The following NFKBIA variants were observed in gnomAD, a reference collection of about 807,000 sequenced individuals.
NFKBIA encodes NF-kappa-B inhibitor alpha.
Under a neutral mutation model 36.3 loss-of-function variants are expected in NFKBIA, and 10 were observed. The ratio of observed to expected loss-of-function variants is 0.28; its 90% CI spans 0.17 to 0.47. NFKBIA has a LOEUF of 0.47. Among genes scored for constraint, NFKBIA ranks in the 20% least tolerant of loss-of-function variants. The probability of loss-of-function intolerance (pLI) is 0.99; values close to 1 mark genes in which losing one functional copy is unlikely to be tolerated. For synonymous variants in NFKBIA, 205 were observed against 164.4 expected (o/e 1.25, Z -1.89); for missense variants, 355 against 399.3 (o/e 0.89, Z 0.94).
At chr14:35,404,369 CGCGT>C in intron 1 of NFKBIA, 45 bp downstream of exon 1, 6 of 1,218,370 alleles carry the variant, frequency 4.9e-6, no homozygotes, top group South Asian at 1.4e-5. Context: ...CCAGGCCGCG[CGCGT>C]CCCGCCCTCC....
intron 2 of NFKBIA, 160 bp downstream of exon 2, chr14:35,403,530 G>A (rs1183692122): frequency 2.3e-6 from 2 of 887,464 alleles, no homozygotes; most frequent in African/African-American, 1.7e-5. Flanking sequence ...CACCAAATCA[G>A]TGGAATTTCC....
At chr14:35,404,249 TGCAGCCCTGCA>T in intron 1 of NFKBIA, 158 bp downstream of exon 1, 1 of 373,774 alleles carries the variant, frequency 2.7e-6, no homozygotes, top group Middle Eastern at 7.5e-4. Context: ...CGCGCGGCCC[TGCAGCCCTGCA>T]GCGTTCGGGG....
chr14:35,403,365 GA>G lies in NFKBIA; in HGVS notation c.337-6del. On this transcript the variant is annotated splice_polypyrimidine_tract_variant and splice_region_variant and intron_variant, in intron 2 of 5. Coordinates refer to ENST00000216797, the MANE Select transcript of NFKBIA (RefSeq NM_020529.3). ...CACAGCCAAGTGGAGTGGAGTCTACGAATGCAAGAGAGACCAGAGAAAGTAA... is the reference window on the plus strand; with the variant it reads ...CACAGCCAAGTGGAGTGGAGTCTACGATGCAAGAGAGACCAGAGAAAGTAA... 1 of 1,613,762 alleles carries G rather than the reference GA, an allele frequency of 6.2e-7. No homozygotes were observed. Among genetic ancestry groups the G allele is most frequent in the South Asian group, 1.1e-5 (1 of 91,052 alleles).
chr14:35,402,123 G>GA (rs2052733746), intron 5 of NFKBIA, 63 bp from the exon 6 acceptor site: 8 of 1,587,446 alleles, frequency 5.0e-6, no homozygotes, highest in Non-Finnish European at 8.7e-7. Flanking sequence ...AAGCTACCGG[G>GA]ATGGGGAGGC....
intron 3 of NFKBIA, 133 bp downstream of exon 3, chr14:35,403,017 A>G (rs2052745027): frequency 3.9e-6 from 5 of 1,268,834 alleles, no homozygotes; most frequent in East Asian, 2.4e-5. Flanking sequence ...GGCACTTTGC[A>G]CACATATTTT....
rs752288851 is a variant in NFKBIA at position 35,403,353 on chromosome 14, A to T, written c.344T>A (p.Leu115His). 6.2e-7 allele frequency: 1 copy of T among 1,613,978 alleles called. No individual in the cohort carries two copies. ...CTGGTTGGTGATCACAGCCAAGTGG[A>T]GTGGAGTCTACGAATGCAAGAGAGA... ...NFQNNLQQTP[L>H]HLAVITNQPE... The change falls in exon 3 of 6, where the codon CTC becomes CAC. Residue 115 changes from leucine to histidine, a missense_variant. By Grantham distance (99) the Leu-to-His change is moderately conservative (BLOSUM62 -3). Coordinates refer to ENST00000216797, the MANE Select transcript of NFKBIA (RefSeq NM_020529.3).
In NFKBIA at chr14:35,401,609, C is replaced by A. The variant is rs1230470141; in HGVS notation, c.*404G>T. ...ACCATTTACAGGAGGGTAACACAAA[C>A]CTTGACAGGTAGTAACTTTTCACCC... On this transcript the variant is annotated 3_prime_UTR_variant, in exon 6 of 6. Transcript: ENST00000216797. 10 of 314,182 alleles carry A rather than the reference C, an allele frequency of 3.2e-5. No homozygotes were observed. Among genetic ancestry groups the A allele is most frequent in the Admixed American group, 1.4e-4 (3 of 21,838 alleles). The allele number at this position is 314,182 out of a possible 1,614,324, so 19.5% of individuals were successfully genotyped here.
rs778206898 is a variant in NFKBIA, at chr14:35,404,452, G to C, written c.193C>G (p.Pro65Ala). The change falls in exon 1 of 6, where the codon CCC (proline) becomes GCC (alanine). Residue 65 changes from proline to alanine, a missense_variant. Physicochemically the swap from Pro to Ala is conservative, Grantham distance 27. Transcript: ENST00000216797. ...EPQEVPRGSE[P>A]WKQQLTEDGD... ...TCCTCGGTGAGCTGCTGCTTCCAGG[G>C]CTCCGAGCCGCGCGGCACCTCCTGC... 3 of 1,596,674 alleles carry C rather than the reference G, an allele frequency of 1.9e-6. No homozygotes were observed. The highest frequency in any genetic ancestry group is 1.7e-5 in the Admixed American group (1 of 58,038).
rs2138832047 is a variant in NFKBIA at position 35,403,282 on chromosome 14, G to A, written c.415C>T (p.Leu139Phe). 1 of 1,613,978 alleles carries A rather than the reference G, an allele frequency of 6.2e-7. No homozygotes were observed. Among genetic ancestry groups the A allele is most frequent in the Admixed American group, 1.7e-5 (1 of 60,016 alleles). The change falls in exon 3 of 6, where the codon CTC becomes TTC. Residue 139 changes from leucine (L) to phenylalanine (F), a missense_variant. Coordinates refer to ENST00000216797, the MANE Select transcript of NFKBIA (RefSeq NM_020529.3). ...ALLGAGCDPE[L>F]RDFRGNTPLH... is the part of the protein sequence containing the mutation. ...GGGGTATTTCCTCGAAAGTCTCGGA[G>A]CTCAGGATCACAGCCAGCTCCCAGA...
chr14:35,404,238 C>T, intron 1 of NFKBIA, 180 bp downstream of exon 1: 2 of 357,682 alleles, frequency 5.6e-6, no homozygotes, highest in South Asian at 1.1e-4. Context: ...GGCCGGTGCC[C>T]CGCGCGGCCC....
In NFKBIA at chr14:35,401,621, G is replaced by A. The variant is rs913256495; in HGVS notation, c.*392C>T. The A allele has an allele frequency of 2.1e-5, 7 of 328,630 alleles. No individual in the cohort carries two copies. The highest frequency in any genetic ancestry group is 4.0e-5 in the Non-Finnish European group (7 of 176,406). The allele number at this position is 328,630 out of a possible 1,614,324, so 20.4% of individuals were successfully genotyped here. On this transcript the variant is annotated 3_prime_UTR_variant, in exon 6 of 6. Coordinates refer to ENST00000216797, the MANE Select transcript of NFKBIA (RefSeq NM_020529.3). ...AGGGTAACACAAACCTTGACAGGTA[G>A]TAACTTTTCACCCCACATCACTGAA... is the stretch of plus-strand genomic sequence containing the variant.
intron 1 of NFKBIA, 57 bp downstream of exon 1, chr14:35,404,361 A>G (rs2233411): frequency 2.6e-5 from 11 of 420,400 alleles, no homozygotes; most frequent in Non-Finnish European, 4.6e-5. Flanking sequence ...TCCCACCCCC[A>G]GGCCGCGCGC....
chr14:35,402,241 G>GGGA (rs2052735766), intron 5 of NFKBIA, among the ~76,000 whole-genome samples, 153 bp downstream of exon 5: 1 of 29,026 alleles, frequency 3.4e-5, no homozygotes, highest in Non-Finnish European at 8.3e-5. Context: ...AAAGAGGGGG[G>GGGA]GCAGGTACAT....
chr14:35,402,360 T>G, intron 5 of NFKBIA, 34 bp downstream of exon 5: 2 of 1,613,186 alleles, frequency 1.2e-6, no homozygotes, highest in Non-Finnish European at 1.7e-6. Context: ...TGGCACCTCA[T>G]TAGTTAGAGC....
Position 35,402,499 on chromosome 14 carries a change from C to A in NFKBIA, c.801G>T (p.Gln267His), listed in dbSNP as rs758502941. The A allele has an allele frequency of 6.2e-7, 1 of 1,614,216 alleles. No homozygotes were observed. Among genetic ancestry groups the A allele is most frequent in the Non-Finnish European group, 8.5e-7 (1 of 1,180,048 alleles). Reference sequence around the variant, plus strand: ...TTTCTAGTGTCAGCTGGCCCAGCTGCTGCTGTATCCGGGTGCTTGGGCGGC... The same window carrying A: ...TTTCTAGTGTCAGCTGGCCCAGCTGATGCTGTATCCGGGTGCTTGGGCGGC... ...TWGRPSTRIQ[Q>H]QLGQLTLENL... The change falls in exon 5 of 6, where the codon CAG becomes CAT. Residue 267 changes from glutamine to histidine, a missense_variant. Physicochemically the swap from Gln to His is conservative, Grantham distance 24. Transcript: ENST00000216797.
In NFKBIA at chr14:35,404,405, C is replaced by T. The variant is rs1465206013; in HGVS notation, c.227+13G>A. On this transcript the variant is annotated intron_variant, in intron 1 of 5. Coordinates refer to ENST00000216797, the MANE Select transcript of NFKBIA (RefSeq NM_020529.3). ...CTCCCGACGACCCCCAGCCCCGGGC[C>T]TCCGCCACTTACGAGTCCCCGTCCT... 3.2e-6 allele frequency: 5 copies of T among 1,565,078 alleles called. No homozygotes were observed. The highest frequency in any genetic ancestry group is 4.3e-6 in the Non-Finnish European group (5 of 1,160,598).
At position 35,404,474 on chromosome 14, in the gene NFKBIA, C is replaced by A; in HGVS notation, c.171G>T (p.Gln57His). ...AGGGCTCCGAGCCGCGCGGCACCTC[C>A]TGCGGCTCGAGGCGGATCTCCTGCA... ...KELQEIRLEP[Q>H]EVPRGSEPWK... Residue 57 changes from glutamine to histidine, a missense_variant, in exon 1 of 6, where the codon CAG becomes CAT. Coordinates refer to ENST00000216797, the MANE Select transcript of NFKBIA (RefSeq NM_020529.3). 1 of 1,602,738 alleles carries A rather than the reference C, an allele frequency of 6.2e-7. No individual in the cohort carries two copies. The highest frequency in any genetic ancestry group is 2.3e-5 in the East Asian group (1 of 44,022).
rs761810172 is a variant in NFKBIA, at chr14:35,404,487, C to A, written c.158G>T (p.Arg53Leu). 6.2e-7 allele frequency: 1 copy of A among 1,602,890 alleles called. No individual in the cohort carries two copies. ...EQMVKELQEI[R>L]LEPQEVPRGS... ...GCGCGGCACCTCCTGCGGCTCGAGG[C>A]GGATCTCCTGCAGCTCCTTGACCAT... The change falls in exon 1 of 6, where the codon CGC becomes CTC. Residue 53 changes from arginine to leucine, a missense_variant. Physicochemically the swap from Arg to Leu is moderately radical, Grantham distance 102 (BLOSUM62 -2). Coordinates refer to ENST00000216797, the MANE Select transcript of NFKBIA (RefSeq NM_020529.3).
chr14:35,404,691 G>C lies in NFKBIA; in HGVS notation c.-47C>G. 1 of 1,280,752 alleles carries C rather than the reference G, an allele frequency of 7.8e-7. No homozygotes were observed. The highest frequency in any genetic ancestry group is 1.0e-6 in the Non-Finnish European group (1 of 994,772). 79.3% of individuals were successfully genotyped at this position (1,280,752 alleles called of 1,614,324 possible). On this transcript the variant is annotated 5_prime_UTR_variant, in exon 1 of 6. Coordinates refer to ENST00000216797, the MANE Select transcript of NFKBIA (RefSeq NM_020529.3). The stretch of plus-strand genomic sequence containing the variant: ...CTGCTGCGGGTGCGCTGGGCCGCGG[G>C]CTGCGCGCTGCTTCCTCGCTGGGGC...
Sources: gnomAD v4.1 joint callset for allele counts (sites outside exome capture counted in the v4.1 genomes callset) on GRCh38, gnomAD v4.1.1 for gene constraint, MANE v1.5 for transcripts, NCBI Gene and HGNC (gene_info 2026-07-23, HGNC 2026-07-21) for gene names.